Variants in HTT observed in about 807,000 individuals in gnomAD.
HTT encodes the protein huntington disease protein.
A neutral mutation model predicts 362.3 loss-of-function variants in HTT; 104 were observed. That is an observed-to-expected ratio of 0.29 (90% confidence interval 0.24 to 0.34). The LOEUF (loss-of-function observed/expected upper bound fraction) is 0.34, where lower values mean the gene tolerates loss of function less well. Among genes scored for constraint, HTT ranks in the 10% least tolerant of loss-of-function variants. The pLI, the probability that HTT is intolerant of heterozygous loss-of-function variation, is 1.00. For missense variants in HTT, 3,301 were observed against 3,928.6 expected, an observed-to-expected ratio of 0.84 and a Z score of 4.27; for synonymous variants, 1,577 against 1,548.7, an observed-to-expected ratio of 1.02 and a Z score of -0.43.
At chr4:3,202,329 A>G (rs1379610279) in intron 41 of HTT, among the ~76,000 whole-genome samples, 2 of 152,006 alleles carry the variant, frequency 1.3e-5, no homozygotes, top group African/African-American at 4.8e-5. Context: ...TTGACAGTGG[A>G]CCTTCTTTAT....
chr4:3,162,270 C>A (rs754917463), intron 29 of HTT, among the ~76,000 whole-genome samples: 2 of 152,058 alleles, frequency 1.3e-5, no homozygotes, highest in Non-Finnish European at 2.9e-5. Context: ...CTGTTCTGTT[C>A]CATTGGTCTA....
At chr4:3,128,307 A>G (rs1029226733) in intron 12 of HTT, 4 of 152,078 alleles carry the variant, frequency 2.6e-5, no homozygotes, top group Admixed American at 6.5e-5. Context: ...CTTGTTATCT[A>G]ATACCCCTAT....
At position 3,236,130 on chromosome 4, in the gene HTT, C is replaced by G. The variant is rs746493591; in HGVS notation, c.8786-19C>G. ...GGGTTGTATAGAGGTAACCTTCGTA[C>G]TGAACACTTTTGTTACAGGAAAGGA... On this transcript the variant is annotated intron_variant, in intron 63 of 66. Coordinates refer to ENST00000355072, the MANE Select transcript of HTT (RefSeq NM_001388492.1). 2 of 1,582,672 alleles carry G rather than the reference C, an allele frequency of 1.3e-6. No individual in the cohort carries two copies. The highest frequency in any genetic ancestry group is 1.7e-6 in the Non-Finnish European group (2 of 1,151,400).
At chr4:3,105,665 T>G (rs888998726) in intron 5 of HTT, among the ~76,000 whole-genome samples, 3 of 152,234 alleles carry the variant, frequency 2.0e-5, no homozygotes. Flanking sequence ...AAGAGACTTA[T>G]GGGATGTGTG....
chr4:3,145,998 A>G (rs911687022), intron 24 of HTT, among the ~76,000 whole-genome samples: 1 of 152,246 alleles, frequency 6.6e-6, no homozygotes, highest in Non-Finnish European at 1.5e-5. Context: ...AAAGTTAAAA[A>G]TCCGTTCAAG....
intron 29 of HTT, among the ~76,000 whole-genome samples, chr4:3,163,778 C>T (rs956098206): frequency 3.9e-5 from 6 of 151,940 alleles, no homozygotes; most frequent in African/African-American, 1.2e-4. Flanking sequence ...TCCCCTTTAT[C>T]GTTTTTATTG....
At chr4:3,236,558 C>G (rs1020232929) in intron 64 of HTT, among the ~76,000 whole-genome samples, 1 of 152,140 alleles carries the variant, frequency 6.6e-6, no homozygotes, top group Non-Finnish European at 1.5e-5. Context: ...GCAGGAATGA[C>G]CAGCCTCTGG....
At chr4:3,213,599 C>G (rs779315903) in intron 49 of HTT, among the ~76,000 whole-genome samples, 17 of 152,226 alleles carry the variant, frequency 1.1e-4, no homozygotes, top group Non-Finnish European at 2.1e-4. Flanking sequence ...AGAACCCACG[C>G]TCTCAAATTC....
rs1232916531 is a variant in HTT at position 3,148,145 on chromosome 4, C to T, written c.3436C>T (p.Leu1146=). 7 of 1,613,068 alleles carry T rather than the reference C, an allele frequency of 4.3e-6. No individual in the cohort carries two copies. In the Admixed American group the frequency reaches 1.0e-4, roughly 23 times the overall value. Reference sequence around the variant, plus strand: ...GGTGGAGCAGCTCTTCTCTCACCTGCTGAAGGTGATTAACATTTGTGCCCA... The same window carrying T: ...GGTGGAGCAGCTCTTCTCTCACCTGTTGAAGGTGATTAACATTTGTGCCCA... ...PMVEQLFSHL[L]KVINICAHVL... Residue 1146 remains leucine (L), a synonymous_variant, in exon 26 of 67, where the codon CTG becomes TTG. Coordinates refer to ENST00000355072, the MANE Select transcript of HTT (RefSeq NM_001388492.1).
At position 3,237,641 on chromosome 4, in the gene HTT, C is replaced by T. The variant is rs564522911; in HGVS notation, c.8892-806C>T. On this transcript the variant is annotated intron_variant, in intron 64 of 66. Transcript: ENST00000355072. ...TCTCTGTGGAGCAGTGTCTTCAGAG[C>T]GGCTGCCATGCCACTGCTGGGCGAG... Among the ~76,000 whole-genome samples the T allele has an allele frequency of 1.4e-4, 22 of 152,268 alleles. 1 individual carries two copies. In the East Asian group the frequency reaches 3.7e-3, roughly 25 times the overall value.
chr4:3,200,857 G>A (rs1719497873), intron 41 of HTT, among the ~76,000 whole-genome samples: 1 of 152,192 alleles, frequency 6.6e-6, no homozygotes, highest in Non-Finnish European at 1.5e-5. Flanking sequence ...GAGCACTGTG[G>A]GGGCAGGAGA....
intron 26 of HTT, among the ~76,000 whole-genome samples, chr4:3,149,434 C>G (rs111834953): frequency 1.1e-3 from 160 of 151,738 alleles, no homozygotes; most frequent in Non-Finnish European, 1.8e-3. Flanking sequence ...AGGCAGATTA[C>G]AGCTGGGATT....
chr4:3,140,314 G>A (rs1329320752), intron 21 of HTT, among the ~76,000 whole-genome samples, 196 bp from the exon 22 acceptor site: 2 of 152,010 alleles, frequency 1.3e-5, no homozygotes, highest in Non-Finnish European at 2.9e-5. Context: ...ATGTCCGAGT[G>A]GGTGCATGAG....
rs6829717 is a variant in HTT at position 3,167,173 on chromosome 4, G to A, written c.3865-5147G>A. ...TGCAACCTTTGCCTCCTGGTTTCAA[G>A]CGATTCTCCTACCTCAGCCTCCGGA... On this transcript the variant is annotated intron_variant, in intron 29 of 66. Transcript: ENST00000355072. Among the ~76,000 whole-genome samples, 478 of 152,328 alleles carry A rather than the reference G, an allele frequency of 3.1e-3. 1 individual carries two copies. The highest frequency in any genetic ancestry group is 0.011 in the African/African-American group (440 of 41,564).
chr4:3,169,385 G>A (rs1180478192), intron 29 of HTT, among the ~76,000 whole-genome samples: 1 of 152,030 alleles, frequency 6.6e-6, no homozygotes, highest in East Asian at 1.9e-4. Context: ...TCTTAAAGGG[G>A]CTGTGATTTC....
Position 3,233,198 on chromosome 4 carries a change from G to A in HTT, c.8301G>A (p.Leu2767=), listed in dbSNP as rs769875409. ...TGGCGGAGCCTGTCAGCCGCCTGCT[G>A]GAGAGCACGCTCAGGAGCAGCCACC... The part of the protein sequence containing the change: ...KAVAEPVSRL[L]ESTLRSSHLP... Residue 2767 remains leucine, a synonymous_variant, in exon 61 of 67, where the codon CTG becomes CTA. Coordinates refer to ENST00000355072, the MANE Select transcript of HTT (RefSeq NM_001388492.1). 7.5e-6 allele frequency: 12 copies of A among 1,597,080 alleles called. No individual in the cohort carries two copies. The Admixed American group carries it at 2.0e-4, about 27-fold the overall frequency.
At chr4:3,131,891 T>C (rs1158374656) in intron 16 of HTT, 116 bp downstream of exon 16, 2 of 932,148 alleles carry the variant, frequency 2.1e-6, no homozygotes, top group Non-Finnish European at 3.3e-6. Context: ...TTTGGGATAT[T>C]TGACCTGCGT....
intron 2 of HTT, among the ~76,000 whole-genome samples, chr4:3,091,047 G>A (rs1429189778): frequency 1.3e-5 from 2 of 152,258 alleles, no homozygotes; most frequent in Admixed American, 1.3e-4. Flanking sequence ...AGGAGGTACA[G>A]GTTGCGGTGA....
In HTT at chr4:3,116,239, T is replaced by G. The variant is rs930916334; in HGVS notation, c.1044T>G (p.Ser348=). Residue 348 remains serine, a synonymous_variant, in exon 8 of 67, where the codon TCT becomes TCG. Transcript: ENST00000355072. ...FGVTRKEMEV[S]PSAEQLVQVY... The stretch of plus-strand genomic sequence containing the variant: ...TGACAAGGAAAGAAATGGAAGTCTC[T>G]CCTTCTGCAGAGCAGCTTGTCCAGG... The G allele has an allele frequency of 6.2e-7, 1 of 1,612,434 alleles. No individual in the cohort carries two copies. The highest frequency in any genetic ancestry group is 8.5e-7 in the Non-Finnish European group (1 of 1,178,644).
Sources: allele counts gnomAD v4.1 joint callset (sites outside exome capture counted in the v4.1 genomes callset), GRCh38; gene constraint gnomAD v4.1.1; transcripts MANE v1.5; gene names NCBI Gene and HGNC (gene_info 2026-07-23, HGNC 2026-07-21).